The following FRYL variants were observed in gnomAD, a reference collection of about 807,000 sequenced individuals.
FRYL encodes the protein FRY like transcription coactivator.
A neutral mutation model predicts 351.2 loss-of-function variants in FRYL; 150 were observed. That is an observed-to-expected ratio of 0.43 (90% CI 0.37 to 0.49). FRYL has a LOEUF of 0.49. Ranked by LOEUF, FRYL falls within the 20% of genes least tolerant of loss-of-function variation. The probability of loss-of-function intolerance (pLI) is 0.00; values close to 1 mark genes in which losing one functional copy is unlikely to be tolerated. For missense variants in FRYL, 3,036 were observed against 3,619.3 expected (o/e 0.84, Z 4.13); for synonymous variants, 1,153 against 1,257.1 (o/e 0.92, Z 1.75).
rs182262489 is a variant in FRYL, at chr4:48,709,968, G to A, written c.-204+551C>T. Among the ~76,000 whole-genome samples the A allele has an allele frequency of 1.2e-3, 188 of 152,176 alleles. 1 individual carries two copies. The highest frequency in any genetic ancestry group is 0.01 in the Middle Eastern group (3 of 294). On this transcript the variant is annotated intron_variant, in intron 2 of 63. Coordinates refer to ENST00000358350, the MANE Select transcript of FRYL (RefSeq NM_015030.2). ...TTTCTTTTAAAGGTCTCCCATTTCT[G>A]CTCAATTTTACTCTTCCCTCACTAC...
chr4:48,550,423 C>T (rs1272173373), intron 38 of FRYL, 169 bp downstream of exon 38: 8 of 562,146 alleles, frequency 1.4e-5, no homozygotes, highest in East Asian at 1.1e-4. Flanking sequence ...CACCCAATTA[C>T]GTTGCTTCTT....
chr4:48,663,303 C>A (rs1311923822), intron 3 of FRYL, among the ~76,000 whole-genome samples: 9 of 148,534 alleles, frequency 6.1e-5, no homozygotes, highest in Non-Finnish European at 1.2e-4. Context: ...ATTTTATAAA[C>A]CCCAGAACAG....
chr4:48,709,593 CA>C (rs971707691), intron 2 of FRYL, among the ~76,000 whole-genome samples: 1 of 151,514 alleles, frequency 6.6e-6, no homozygotes, highest in Non-Finnish European at 1.5e-5. Context: ...AACATAGCCT[CA>C]AAAAAAACCA....
intron 4 of FRYL, among the ~76,000 whole-genome samples, chr4:48,626,356 T>C (rs1198565719): frequency 1.3e-5 from 2 of 152,140 alleles, no homozygotes; most frequent in African/African-American, 4.8e-5. Flanking sequence ...AAAAACATTA[T>C]CTGAATGTAA....
chr4:48,713,351 T>C (rs1031143905), intron 1 of FRYL, among the ~76,000 whole-genome samples: 11 of 152,092 alleles, frequency 7.2e-5, no homozygotes, highest in African/African-American at 1.7e-4. Context: ...TCACGACCCA[T>C]CAGTGTGCTG....
chr4:48,530,578 C>A (rs996383973), intron 50 of FRYL, among the ~76,000 whole-genome samples: 1 of 152,080 alleles, frequency 6.6e-6, no homozygotes, highest in African/African-American at 2.4e-5. Flanking sequence ...GATCTTGCCC[C>A]TTCCTATGCC....
At position 48,700,882 on chromosome 4, in the gene FRYL, T is replaced by C. The variant is rs1766649482; in HGVS notation, c.-204+9637A>G. On this transcript the variant is annotated intron_variant, in intron 2 of 63. Coordinates refer to ENST00000358350, the MANE Select transcript of FRYL (RefSeq NM_015030.2). Reference sequence around the variant, plus strand: ...TATAATTGAAGCTTACTGTACCAAATAATTTCACTCTTACCTGTAAGTACT... The same window carrying C: ...TATAATTGAAGCTTACTGTACCAAACAATTTCACTCTTACCTGTAAGTACT... 3.9e-5 allele frequency among the ~76,000 whole-genome samples: 6 copies of C among 152,032 alleles called. No individual in the cohort carries two copies. The South Asian group carries it at 1.2e-3, about 32-fold the overall frequency.
chr4:48,643,076 C>A (rs1755643191), intron 3 of FRYL, among the ~76,000 whole-genome samples: 1 of 152,182 alleles, frequency 6.6e-6, no homozygotes, highest in African/African-American at 2.4e-5. Context: ...GCTATTGTGG[C>A]TGACTTTTCT....
rs758018834 is a variant in FRYL, at chr4:48,619,327, C to T, written c.358G>A (p.Asp120Asn). 6.3e-7 allele frequency: 1 copy of T among 1,599,474 alleles called. No individual in the cohort carries two copies. Among genetic ancestry groups the T allele is most frequent in the Non-Finnish European group, 8.5e-7 (1 of 1,175,722 alleles). ...RERDYLLERR[D>N]LAVDFIFCLV... ...CAAAAAATGAAGTCTACTGCTAAGT[C>T]CCTCCTTTCAAGAAGATAATCTCTT... The change falls in exon 7 of 64, where the codon GAC (aspartate) becomes AAC (asparagine). Residue 120 changes from aspartate to asparagine, a missense_variant. Coordinates refer to ENST00000358350, the MANE Select transcript of FRYL (RefSeq NM_015030.2).
chr4:48,676,215 G>A (rs891046861), intron 3 of FRYL, among the ~76,000 whole-genome samples: 6 of 152,150 alleles, frequency 3.9e-5, no homozygotes, highest in African/African-American at 1.4e-4. Context: ...TGGAAGCTGT[G>A]TTCTTTCCCT....
intron 1 of FRYL, among the ~76,000 whole-genome samples, chr4:48,764,859 C>G (rs1339455998): frequency 6.6e-6 from 1 of 151,440 alleles, no homozygotes; most frequent in Admixed American, 6.6e-5. Context: ...ATTTTTTTTT[C>G]CCCGAGATGA....
chr4:48,619,422 T>C (rs777466078), intron 6 of FRYL, 52 bp from the exon 7 acceptor site: 2 of 982,386 alleles, frequency 2.0e-6, no homozygotes, highest in South Asian at 3.9e-5. Context: ...ACTTTAAAAA[T>C]ACCTGTTAGT....
At chr4:48,663,096 T>A (rs2149480144) in intron 3 of FRYL, among the ~76,000 whole-genome samples, 1 of 152,176 alleles carries the variant, frequency 6.6e-6, no homozygotes, top group East Asian at 1.9e-4. Context: ...ATTTTAAATG[T>A]CCTTTCAAAG....
In FRYL at chr4:48,546,081, T is replaced by C. The variant is rs1432336098; in HGVS notation, c.5265A>G (p.Glu1755=). The C allele has an allele frequency of 6.2e-7, 1 of 1,612,990 alleles. No individual in the cohort carries two copies. Among genetic ancestry groups the C allele is most frequent in the African/African-American group, 1.3e-5 (1 of 74,898 alleles). Residue 1755 remains glutamate (E), a synonymous_variant, in exon 42 of 64, where the codon GAA becomes GAG. Coordinates refer to ENST00000358350, the MANE Select transcript of FRYL (RefSeq NM_015030.2). ...EQDGKVKTLM[E]FITSRKRGPL... ...GCCAGTGTTACCTTGAGGTAATGAA[T>C]TCCATGAGGGTTTTGACTTTTCCAT...
At chr4:48,635,091 C>T (rs939395463) in intron 3 of FRYL, among the ~76,000 whole-genome samples, 2 of 152,026 alleles carry the variant, frequency 1.3e-5, no homozygotes, top group African/African-American at 4.8e-5. Flanking sequence ...GGCTGGAGCT[C>T]AAGGGAAGAA....
intron 8 of FRYL, 31 bp from the exon 9 acceptor site, chr4:48,609,098 T>G: frequency 7.3e-7 from 1 of 1,377,208 alleles, no homozygotes; most frequent in Non-Finnish European, 1.0e-6. Context: ...ACATAACATT[T>G]CATTAAATTT....
In FRYL at chr4:48,547,761, G is replaced by T. The variant is rs1395921988; in HGVS notation, c.4897C>A (p.His1633Asn). 6.7e-7 allele frequency: 1 copy of T among 1,493,564 alleles called. No homozygotes were observed. Among genetic ancestry groups the T allele is most frequent in the Non-Finnish European group, 9.0e-7 (1 of 1,107,088 alleles). The allele number at this position is 1,493,564 out of a possible 1,614,324, so 92.5% of individuals were successfully genotyped here. Residue 1633 changes from histidine to asparagine, a missense_variant, in exon 41 of 64, where the codon CAC becomes AAC. Around this residue, in one of 7 missense-constraint regions of FRYL, gnomAD observed 1,987 missense variants for 2,311.7 expected, o/e 0.86. Transcript: ENST00000358350. The stretch of plus-strand genomic sequence containing the variant: ...TGTTCATACACCTCAGGGTGGCAGT[G>T]GTCAAACCCTAAAAAGGATAGTAGA... ...LLHAIFIGFD[H>N]CHPEVYEHCK...
chr4:48,719,705 C>T lies in FRYL; in HGVS notation c.-383-9007G>A, dbSNP rs972759843. The stretch of plus-strand genomic sequence containing the variant: ...TTAAGATGATAAAAATTCCTAATAA[C>T]GTTTTCATTTTGTGGGACTCTCACA... On this transcript the variant is annotated intron_variant, in intron 1 of 63. Coordinates refer to ENST00000358350, the MANE Select transcript of FRYL (RefSeq NM_015030.2). Among the ~76,000 whole-genome samples the T allele has an allele frequency of 5.9e-5, 9 of 151,740 alleles. 1 individual carries two copies. The highest frequency in any genetic ancestry group is 1.0e-4 in the Non-Finnish European group (7 of 67,876).
intron 1 of FRYL, among the ~76,000 whole-genome samples, chr4:48,739,598 A>G (rs1771827726): frequency 6.6e-6 from 1 of 152,134 alleles, no homozygotes. Context: ...CCAAATCTAA[A>G]ATACAAAACT....
Sources: allele counts gnomAD v4.1 joint callset (sites outside exome capture counted in the v4.1 genomes callset), GRCh38; gene constraint gnomAD v4.1.1; regional missense constraint gnomAD v4.1.1; transcripts MANE v1.5; gene names NCBI Gene and HGNC (gene_info 2026-07-23, HGNC 2026-07-21).